FAM210A: variants seen among roughly 807,000 people sequenced by gnomAD.
FAM210A encodes the protein family with sequence similarity 210 member A.
FAM210A carries 13 observed loss-of-function variants against 25.3 expected under a neutral mutation model. The observed-to-expected ratio is 0.51, with a 90% CI of 0.33 to 0.82. The LOEUF (loss-of-function observed/expected upper bound fraction) is 0.82, where lower values mean the gene tolerates loss of function less well. FAM210A is among the 40% of genes least tolerant of loss of function. The pLI is 0.02. For synonymous variants in FAM210A, 125 were observed against 118.7 expected (o/e 1.05, Z -0.35); for missense variants, 319 against 323.2 (o/e 0.99, Z 0.10).
chr18:13,700,245 C>T (rs750470869), intron 1 of FAM210A, among the ~76,000 whole-genome samples: 6 of 152,170 alleles, frequency 3.9e-5, no homozygotes, highest in Non-Finnish European at 7.3e-5. Context: ...AATTTGATAA[C>T]CCTTCCATTG....
chr18:13,704,369 G>A (rs940661986), intron 1 of FAM210A, among the ~76,000 whole-genome samples: 1 of 152,122 alleles, frequency 6.6e-6, no homozygotes, highest in Non-Finnish European at 1.5e-5. Flanking sequence ...TTAAAGGGGT[G>A]TTATTCAGCA....
chr18:13,696,216 T>C (rs2043692329), intron 1 of FAM210A, among the ~76,000 whole-genome samples: 1 of 152,218 alleles, frequency 6.6e-6, no homozygotes. Context: ...GTTTCTTGTA[T>C]CAACAACCTG....
intron 1 of FAM210A, among the ~76,000 whole-genome samples, chr18:13,701,507 T>C (rs1406322409): frequency 6.6e-6 from 1 of 152,148 alleles, no homozygotes; most frequent in Non-Finnish European, 1.5e-5. Flanking sequence ...TCATTTTTCT[T>C]GTGTGTTTAA....
rs1471741315 is a variant in FAM210A, at chr18:13,665,176, T to G, written c.*1304A>C. The stretch of plus-strand genomic sequence containing the variant: ...TACTCGGGAGGCTGAGGTCAGGAGT[T>G]GGAGACTAGCCTGGCTAACATGGTG... On this transcript the variant is annotated 3_prime_UTR_variant, in exon 4 of 4. Coordinates refer to ENST00000651643, the MANE Select transcript of FAM210A (RefSeq NM_152352.4). 6.6e-6 allele frequency: 1 copy of G among 152,028 alleles called. No individual in the cohort carries two copies. 9.4% of individuals were successfully genotyped at this position (152,028 alleles called of 1,614,324 possible). A position where few individuals can be genotyped will look rare whatever the true frequency, so the allele number is the denominator to read the frequency against.
intron 1 of FAM210A, among the ~76,000 whole-genome samples, chr18:13,703,325 AG>A (rs1315102024): frequency 6.6e-6 from 1 of 152,182 alleles, no homozygotes; most frequent in African/African-American, 2.4e-5. Flanking sequence ...TGGGAAACCT[AG>A]GAAGTATGGA....
At chr18:13,673,643 C>T (rs1156591561) in intron 2 of FAM210A, among the ~76,000 whole-genome samples, 3 of 144,844 alleles carry the variant, frequency 2.1e-5, no homozygotes, top group African/African-American at 7.7e-5. Context: ...TCCTGAGACC[C>T]GACTTCTTTA....
intron 1 of FAM210A, among the ~76,000 whole-genome samples, chr18:13,702,697 T>C (rs753235709): frequency 2.0e-5 from 3 of 152,222 alleles, no homozygotes; most frequent in African/African-American, 7.2e-5. Flanking sequence ...TGCCCAGTGC[T>C]GTAGCTCAGT....
intron 1 of FAM210A, among the ~76,000 whole-genome samples, chr18:13,682,725 C>T (rs901768699): frequency 7.9e-5 from 12 of 152,036 alleles, no homozygotes; most frequent in Admixed American, 5.2e-4. Context: ...AAAAATTAGC[C>T]GGGAATGGTG....
intron 1 of FAM210A, among the ~76,000 whole-genome samples, chr18:13,707,854 G>C (rs1462273384): frequency 1.3e-5 from 2 of 151,942 alleles, no homozygotes; most frequent in Admixed American, 1.3e-4. Flanking sequence ...AACCAATCCA[G>C]CTGTTTCTAT....
chr18:13,705,531 G>T (rs2149066693), intron 1 of FAM210A, among the ~76,000 whole-genome samples: 1 of 152,184 alleles, frequency 6.6e-6, no homozygotes, highest in South Asian at 2.1e-4. Flanking sequence ...GAGTGCAGTG[G>T]CATGATCTCG....
At chr18:13,690,743 C>T (rs1394570445) in intron 1 of FAM210A, among the ~76,000 whole-genome samples, 1 of 152,150 alleles carries the variant, frequency 6.6e-6, no homozygotes, top group Non-Finnish European at 1.5e-5. Flanking sequence ...CACACCAAAA[C>T]CCCATCTGTA....
intron 1 of FAM210A, among the ~76,000 whole-genome samples, chr18:13,718,099 T>C (rs1370943500): frequency 6.6e-6 from 1 of 152,138 alleles, no homozygotes; most frequent in South Asian, 2.1e-4. Flanking sequence ...GCTTGACACT[T>C]TGAGATGCTA....
intron 1 of FAM210A, among the ~76,000 whole-genome samples, chr18:13,696,550 CATAAG>C (rs1444874698): frequency 6.6e-6 from 1 of 152,126 alleles, no homozygotes; most frequent in Non-Finnish European, 1.5e-5. Flanking sequence ...AAGACGGTGC[CATAAG>C]ATAAAAGAGC....
chr18:13,675,658 T>A (rs61339179), intron 2 of FAM210A, among the ~76,000 whole-genome samples: 1 of 83,278 alleles, frequency 1.2e-5, no homozygotes, highest in Non-Finnish European at 2.5e-5. Context: ...TCCTGAGCCC[T>A]GGCTTCTTTA....
At chr18:13,670,914 T>C (rs1277240207) in intron 3 of FAM210A, 1 of 152,610 alleles carries the variant, frequency 6.6e-6, no homozygotes, top group Admixed American at 6.5e-5. Flanking sequence ...GAGAATTGCT[T>C]GAACCCGGGA....
intron 3 of FAM210A, among the ~76,000 whole-genome samples, 178 bp downstream of exon 3, chr18:13,671,684 C>CA (rs2043443558): frequency 6.9e-6 from 1 of 144,962 alleles, no homozygotes; most frequent in Non-Finnish European, 1.5e-5. Context: ...AGCGAAACTC[C>CA]ATCTCCAAAA....
At chr18:13,684,781 T>G (rs1024550407) in intron 1 of FAM210A, among the ~76,000 whole-genome samples, 1 of 152,180 alleles carries the variant, frequency 6.6e-6, no homozygotes, top group Non-Finnish European at 1.5e-5. Flanking sequence ...ACATGGAACA[T>G]TCAACAAGCA....
intron 1 of FAM210A, among the ~76,000 whole-genome samples, chr18:13,682,631 G>C (rs535667923): frequency 6.6e-6 from 1 of 152,094 alleles, no homozygotes; most frequent in Non-Finnish European, 1.5e-5. Context: ...AATTTTGGGA[G>C]TCTGAGGCAG....
intron 2 of FAM210A, among the ~76,000 whole-genome samples, chr18:13,675,197 C>T (rs532027587): frequency 6.8e-6 from 1 of 146,966 alleles, no homozygotes; most frequent in East Asian, 2.1e-4. Context: ...TGATTATTAA[C>T]ATTCCTGAGC....
Sources: gnomAD v4.1 joint callset for allele counts (sites outside exome capture counted in the v4.1 genomes callset) on GRCh38, gnomAD v4.1.1 for gene constraint, MANE v1.5 for transcripts, NCBI Gene and HGNC (gene_info 2026-07-23, HGNC 2026-07-21) for gene names.